AGBL4: variants seen among roughly 807,000 people sequenced by gnomAD.
The protein encoded by AGBL4 is cytosolic carboxypeptidase 6.
A neutral mutation model predicts 66.4 loss-of-function variants in AGBL4; 58 were observed. The observed-to-expected ratio is 0.87, with a 90% CI of 0.71 to 1.09. The LOEUF (loss-of-function observed/expected upper bound fraction) is 1.09. Among genes scored for constraint, AGBL4 ranks in the 50% least tolerant of loss-of-function variants. AGBL4 has a pLI of 0.00. For missense variants in AGBL4, 579 were observed against 631.0 expected, an observed-to-expected ratio of 0.92 and a Z score of 0.88; for synonymous variants, 234 against 222.9, an observed-to-expected ratio of 1.05 and a Z score of -0.44.
chr1:49,972,403 A>G (rs1293755834), intron 1 of AGBL4, among the ~76,000 whole-genome samples: 1 of 152,284 alleles, frequency 6.6e-6, no homozygotes, highest in East Asian at 1.9e-4. Flanking sequence ...GTCCCCACTA[A>G]TAAGTGAGAA....
chr1:49,932,725 G>A (rs1653495186), intron 1 of AGBL4, among the ~76,000 whole-genome samples: 1 of 151,956 alleles, frequency 6.6e-6, no homozygotes, highest in Non-Finnish European at 1.5e-5. Context: ...CTCCTAGACA[G>A]AAACATTGAT....
At chr1:49,847,998 G>C (rs2148055814) in intron 2 of AGBL4, among the ~76,000 whole-genome samples, 1 of 152,274 alleles carries the variant, frequency 6.6e-6, no homozygotes, top group East Asian at 1.9e-4. Context: ...ACCATGCCTG[G>C]CCCAAACATA....
chr1:49,461,738 T>G (rs1050013199), intron 3 of AGBL4, among the ~76,000 whole-genome samples: 1 of 151,284 alleles, frequency 6.6e-6, no homozygotes, highest in Non-Finnish European at 1.5e-5. Context: ...TCTCTTCTTG[T>G]GTTACTTTGC....
chr1:49,177,726 G>C (rs1426711036), intron 4 of AGBL4, among the ~76,000 whole-genome samples: 1 of 152,048 alleles, frequency 6.6e-6, no homozygotes. Flanking sequence ...TATTCCCCCT[G>C]AAGGGGTAAT....
intron 11 of AGBL4, among the ~76,000 whole-genome samples, chr1:48,575,501 G>A (rs1454202208): frequency 6.6e-6 from 1 of 152,138 alleles, no homozygotes; most frequent in African/African-American, 2.4e-5. Context: ...GCACTGGTGT[G>A]GTTGTGGGTC....
chr1:48,727,083 A>G (rs1647324752), intron 6 of AGBL4, among the ~76,000 whole-genome samples: 1 of 152,194 alleles, frequency 6.6e-6, no homozygotes, highest in South Asian at 2.1e-4. Flanking sequence ...CACCTTAGAG[A>G]CTCAGTAACA....
intron 3 of AGBL4, among the ~76,000 whole-genome samples, chr1:49,356,590 G>A (rs1412027104): frequency 2.6e-5 from 4 of 152,102 alleles, no homozygotes; most frequent in East Asian, 3.8e-4. Context: ...TTTCTTTTAC[G>A]GCTTTATTTC....
intron 4 of AGBL4, among the ~76,000 whole-genome samples, chr1:49,068,465 G>A (rs1039139296): frequency 4.0e-5 from 6 of 150,370 alleles, no homozygotes; most frequent in Non-Finnish European, 5.9e-5. Context: ...CCATTTATGA[G>A]TGAGAACATG....
chr1:48,612,998 G>A (rs1352086613), intron 9 of AGBL4, among the ~76,000 whole-genome samples: 3 of 152,118 alleles, frequency 2.0e-5, no homozygotes, highest in Non-Finnish European at 2.9e-5. Flanking sequence ...AGCAGGCAAG[G>A]TGGTGGGCAC....
At chr1:49,290,158 G>A (rs1644506906) in intron 3 of AGBL4, among the ~76,000 whole-genome samples, 1 of 152,060 alleles carries the variant, frequency 6.6e-6, no homozygotes, top group African/African-American at 2.4e-5. Flanking sequence ...TTAGGCTTTT[G>A]CTGAGACTAT....
chr1:48,793,887 A>G (rs1206370978), intron 6 of AGBL4, among the ~76,000 whole-genome samples: 1 of 152,170 alleles, frequency 6.6e-6, no homozygotes, highest in African/African-American at 2.4e-5. Flanking sequence ...AGAGTGGGCC[A>G]GGCACATCGA....
chr1:48,729,643 C>T (rs1200853417), intron 6 of AGBL4, among the ~76,000 whole-genome samples: 1 of 151,918 alleles, frequency 6.6e-6, no homozygotes. Flanking sequence ...GGGCAGAATC[C>T]ACTGCTACCT....
intron 1 of AGBL4, among the ~76,000 whole-genome samples, chr1:49,875,025 T>C (rs1404802565): frequency 2.9e-5 from 4 of 139,810 alleles, no homozygotes; most frequent in Non-Finnish European, 6.1e-5. Flanking sequence ...CCTTCCTGTG[T>C]CCATGTATTC....
intron 3 of AGBL4, among the ~76,000 whole-genome samples, chr1:49,450,381 C>G (rs945414264): frequency 6.6e-6 from 1 of 151,842 alleles, no homozygotes; most frequent in Non-Finnish European, 1.5e-5. Flanking sequence ...TTAGGAATAC[C>G]AATATTTAAA....
chr1:49,350,187 GT>G (rs565127283), intron 3 of AGBL4, among the ~76,000 whole-genome samples: 2,739 of 142,536 alleles, frequency 0.019, 76 homozygotes, highest in African/African-American at 0.064. Flanking sequence ...ATGAATATTT[GT>G]TTTTTTTTTT....
At chr1:49,120,896 G>C (rs1272478138) in intron 4 of AGBL4, among the ~76,000 whole-genome samples, 1 of 152,060 alleles carries the variant, frequency 6.6e-6, no homozygotes, top group African/African-American at 2.4e-5. Flanking sequence ...TGGAGGCTTT[G>C]TTAATTTCTT....
chr1:49,027,184 G>C (rs1408830516), intron 5 of AGBL4, among the ~76,000 whole-genome samples: 1 of 152,002 alleles, frequency 6.6e-6, no homozygotes, highest in Non-Finnish European at 1.5e-5. Context: ...TTTTGAGACG[G>C]AGTTTCACTC....
intron 2 of AGBL4, among the ~76,000 whole-genome samples, chr1:49,850,560 T>C (rs1646278337): frequency 6.6e-6 from 1 of 152,086 alleles, no homozygotes; most frequent in Non-Finnish European, 1.5e-5. Flanking sequence ...CTATACAATA[T>C]GACATAATCA....
intron 5 of AGBL4, among the ~76,000 whole-genome samples, chr1:48,942,839 G>A (rs909594843): frequency 6.6e-6 from 1 of 152,154 alleles, no homozygotes; most frequent in Non-Finnish European, 1.5e-5. Context: ...TGGGTAAAAT[G>A]AGGATAGTAC....
Sources: allele counts gnomAD v4.1 joint callset (sites outside exome capture counted in the v4.1 genomes callset), GRCh38; gene constraint gnomAD v4.1.1; transcripts MANE v1.5; gene names NCBI Gene and HGNC (gene_info 2026-07-23, HGNC 2026-07-21).